The following KCNH8 variants were observed in gnomAD, a reference collection of about 807,000 sequenced individuals.
KCNH8 encodes the protein potassium voltage-gated channel subfamily H member 8.
Under a neutral mutation model 103.6 loss-of-function variants are expected in KCNH8, and 70 were observed. The observed-to-expected ratio is 0.68, with a 90% CI of 0.56 to 0.82. The LOEUF (loss-of-function observed/expected upper bound fraction) is 0.82, where lower values mean the gene tolerates loss of function less well. KCNH8 is among the 40% of genes least tolerant of loss of function. The pLI, the probability that KCNH8 is intolerant of heterozygous loss-of-function variation, is 0.00. For missense variants in KCNH8, 1,217 were observed against 1,329.9 expected, an observed-to-expected ratio of 0.92 and a Z score of 1.32; for synonymous variants, 498 against 489.4, an observed-to-expected ratio of 1.02 and a Z score of -0.23.
intron 3 of KCNH8, among the ~76,000 whole-genome samples, chr3:19,321,876 A>C (rs1046856525): frequency 2.6e-5 from 4 of 151,916 alleles, no homozygotes; most frequent in Non-Finnish European, 4.4e-5. Flanking sequence ...TTAGGTGCAT[A>C]TATATTTAGG....
At chr3:19,501,724 C>T in intron 11 of KCNH8, among the ~76,000 whole-genome samples, 1 of 152,304 alleles carries the variant, frequency 6.6e-6, no homozygotes, top group Admixed American at 6.5e-5. Context: ...CAAAATTCAA[C>T]AACCTTCATG....
At chr3:19,513,474 G>T in intron 13 of KCNH8, 149 bp downstream of exon 13, 1 of 1,067,554 alleles carries the variant, frequency 9.4e-7, no homozygotes, top group Non-Finnish European at 1.3e-6. Flanking sequence ...GCAATTTTTT[G>T]AGTTTATGTG....
intron 5 of KCNH8, among the ~76,000 whole-genome samples, chr3:19,370,574 T>C (rs1245986801): frequency 6.6e-6 from 1 of 152,110 alleles, no homozygotes; most frequent in African/African-American, 2.4e-5. Context: ...TAAGATAATT[T>C]TAAAGAATAA....
At chr3:19,487,815 G>C (rs947408120) in intron 11 of KCNH8, among the ~76,000 whole-genome samples, 3 of 152,164 alleles carry the variant, frequency 2.0e-5, no homozygotes, top group Admixed American at 6.5e-5. Context: ...TCTCTTCCCA[G>C]CAAAGGCAAG....
chr3:19,387,394 A>G (rs1478359291), intron 5 of KCNH8, among the ~76,000 whole-genome samples: 1 of 152,200 alleles, frequency 6.6e-6, no homozygotes, highest in African/African-American at 2.4e-5. Flanking sequence ...TACTGTCTGT[A>G]TGACTTCAAA....
intron 2 of KCNH8, among the ~76,000 whole-genome samples, chr3:19,255,965 T>C (rs2064341419): frequency 6.6e-6 from 1 of 152,176 alleles, no homozygotes; most frequent in Non-Finnish European, 1.5e-5. Flanking sequence ...CTATCTTGTT[T>C]TGTTGCATTT....
chr3:19,511,504 C>T (rs2068782678), intron 12 of KCNH8, among the ~76,000 whole-genome samples: 1 of 152,098 alleles, frequency 6.6e-6, no homozygotes, highest in Admixed American at 6.6e-5. Flanking sequence ...CATTGTTTCT[C>T]ATTTCTTAGA....
At chr3:19,312,457 T>G (rs1313574868) in intron 3 of KCNH8, among the ~76,000 whole-genome samples, 1 of 151,852 alleles carries the variant, frequency 6.6e-6, no homozygotes, top group African/African-American at 2.4e-5. Flanking sequence ...CTCTCAGTCT[T>G]GGGCTTGAGT....
intron 1 of KCNH8, among the ~76,000 whole-genome samples, chr3:19,196,742 A>G (rs550403384): frequency 1.3e-3 from 196 of 152,166 alleles, no homozygotes; most frequent in African/African-American, 4.5e-3. Flanking sequence ...AGAATCCAAA[A>G]AAATCCAACT....
chr3:19,371,168 C>A (rs1203192258), intron 5 of KCNH8, among the ~76,000 whole-genome samples: 1 of 148,924 alleles, frequency 6.7e-6, no homozygotes, highest in Non-Finnish European at 1.5e-5. Context: ...AGTTCTAGAT[C>A]CCTGAGGAAT....
chr3:19,385,260 T>G (rs1357604431), intron 5 of KCNH8, among the ~76,000 whole-genome samples: 1 of 152,138 alleles, frequency 6.6e-6, no homozygotes, highest in Non-Finnish European at 1.5e-5. Flanking sequence ...TACATTGATT[T>G]GATCTTTATA....
At chr3:19,211,641 G>A (rs532527162) in intron 1 of KCNH8, among the ~76,000 whole-genome samples, 21 of 152,208 alleles carry the variant, frequency 1.4e-4, no homozygotes, top group African/African-American at 4.8e-4. Context: ...TTGCTAGCTA[G>A]CCAGTTCCTC....
In KCNH8 at chr3:19,198,044, T is replaced by A. The variant is rs75592483; in HGVS notation, c.76+49249T>A. ...TTTTCGGAAAGGTTGGATTAAGGACTGCTGCAATAATTCTAGCATGTTATA... is the reference window on the plus strand; with the variant it reads ...TTTTCGGAAAGGTTGGATTAAGGACAGCTGCAATAATTCTAGCATGTTATA... On this transcript the variant is annotated intron_variant, in intron 1 of 15. Transcript: ENST00000328405. Among the ~76,000 whole-genome samples the A allele has an allele frequency of 7.6e-3, 1,163 of 152,186 alleles. 14 individuals carry two copies. The highest frequency in any genetic ancestry group is 0.026 in the African/African-American group (1,070 of 41,540).
rs139698679 is a variant in KCNH8, at chr3:19,342,073, C to G, written c.443-514C>G. Among the ~76,000 whole-genome samples the G allele has an allele frequency of 8.9e-4, 135 of 152,024 alleles. 1 individual carries two copies. Among genetic ancestry groups the G allele is most frequent in the East Asian group, 7.4e-3 (38 of 5,166 alleles). ...TTAGTTATAATCTTAACATAGTATG[C>G]TATTAGCCATTTAAAAAATAGAGAA... is the stretch of plus-strand genomic sequence containing the variant. On this transcript the variant is annotated intron_variant, in intron 3 of 15. Coordinates refer to ENST00000328405, the MANE Select transcript of KCNH8 (RefSeq NM_144633.3).
intron 5 of KCNH8, among the ~76,000 whole-genome samples, chr3:19,378,087 G>A (rs758257936): frequency 6.6e-6 from 1 of 152,148 alleles, no homozygotes; most frequent in Non-Finnish European, 1.5e-5. Flanking sequence ...TAATCATTTA[G>A]GGACTGAGAC....
chr3:19,500,017 C>G (rs1406951530), intron 11 of KCNH8, among the ~76,000 whole-genome samples: 1 of 152,000 alleles, frequency 6.6e-6, no homozygotes, highest in Non-Finnish European at 1.5e-5. Context: ...GAGTCAAGAC[C>G]CATCAGTGTG....
Position 19,533,917 on chromosome 3 carries a change from A to T in KCNH8, c.3142A>T (p.Ser1048Cys), listed in dbSNP as rs772616108. 4.3e-6 allele frequency: 7 copies of T among 1,614,120 alleles called. No individual in the cohort carries two copies. ...AACATCTTTGCACCTAGTTCTCCCA[A>T]GCAGATCAGAGGAGGGCAGCTTCAG... The part of the protein sequence containing the change: ...SETSLHLVLP[S>C]RSEEGSFSQG... Residue 1048 changes from serine (S) to cysteine (C), a missense_variant, in exon 16 of 16, where the codon AGC (serine) becomes TGC (cysteine). Ser to Cys is a moderately radical substitution (Grantham distance 112, BLOSUM62 -1). This residue lies in a region of KCNH8 where 558 missense variants were observed against 495.8 expected (regional missense o/e 1.13). Coordinates refer to ENST00000328405, the MANE Select transcript of KCNH8 (RefSeq NM_144633.3).
chr3:19,211,566 C>T (rs751137234), intron 1 of KCNH8, among the ~76,000 whole-genome samples: 30 of 152,118 alleles, frequency 2.0e-4, no homozygotes, highest in Admixed American at 1.3e-4. Flanking sequence ...TTCCAATTCT[C>T]TTCAAAATTT....
chr3:19,153,639 T>C (rs558239371), intron 1 of KCNH8, among the ~76,000 whole-genome samples: 12 of 148,544 alleles, frequency 8.1e-5, no homozygotes, highest in East Asian at 1.9e-4. Context: ...TTTTTTCTTT[T>C]TTTTTTTTTT....
Sources: gnomAD v4.1 joint callset for allele counts (sites outside exome capture counted in the v4.1 genomes callset) on GRCh38, gnomAD v4.1.1 for gene constraint, gnomAD v4.1.1 regional missense constraint, MANE v1.5 for transcripts, NCBI Gene and HGNC (gene_info 2026-07-23, HGNC 2026-07-21) for gene names.